Variants in MFHAS1 observed in about 807,000 individuals in gnomAD.
MFHAS1 encodes malignant fibrous histiocytoma-amplified sequence 1.
A neutral mutation model predicts 70.4 loss-of-function variants in MFHAS1; 50 were observed. That is an observed-to-expected ratio of 0.71 (90% CI 0.57 to 0.90). The LOEUF is 0.90. MFHAS1 is among the 40% of genes least tolerant of loss of function. The pLI, the probability that MFHAS1 is intolerant of heterozygous loss-of-function variation, is 0.00. For missense variants in MFHAS1, 1,795 were observed against 1,347.6 expected (o/e 1.33, Z -5.20); for synonymous variants, 952 against 620.0 (o/e 1.54, Z -7.96).
At chr8:8,827,772 G>A (rs57017803) in intron 1 of MFHAS1, among the ~76,000 whole-genome samples, 3,963 of 152,140 alleles carry the variant, frequency 0.026, 180 homozygotes, top group African/African-American at 0.091. Context: ...CAGCTTCTGT[G>A]TTTTGTGACA....
At chr8:8,866,658 T>C (rs1808869631) in intron 1 of MFHAS1, among the ~76,000 whole-genome samples, 1 of 152,180 alleles carries the variant, frequency 6.6e-6, no homozygotes, top group Non-Finnish European at 1.5e-5. Context: ...GGATCCGTGA[T>C]ACAAAATGGC....
rs1429085785 is a variant in MFHAS1, at chr8:8,785,964, G to T, written c.*58C>A. ...TGCAGAGGGTCTGCCAGGTGCAAAA[G>T]ATGGTCCAGGTGTTCAGATGCTCTC... is the stretch of plus-strand genomic sequence containing the variant. On this transcript the variant is annotated 3_prime_UTR_variant, in exon 3 of 3. Transcript: ENST00000276282. The T allele has an allele frequency of 2.6e-6, 4 of 1,558,996 alleles. No individual in the cohort carries two copies. Among genetic ancestry groups the T allele is most frequent in the East Asian group, 2.3e-5 (1 of 43,184 alleles).
intron 1 of MFHAS1, among the ~76,000 whole-genome samples, chr8:8,823,303 GTT>G (rs1807034537): frequency 6.6e-6 from 1 of 152,328 alleles, no homozygotes; most frequent in South Asian, 2.1e-4. Flanking sequence ...GATGAATAAT[GTT>G]TCTCTCTGTA....
At chr8:8,877,767 C>A (rs1809352439) in intron 1 of MFHAS1, among the ~76,000 whole-genome samples, 2 of 152,180 alleles carry the variant, frequency 1.3e-5, no homozygotes, top group Non-Finnish European at 2.9e-5. Context: ...GAGAGCCCAG[C>A]CCAATGACAA....
At chr8:8,875,344 G>A (rs1809249562) in intron 1 of MFHAS1, among the ~76,000 whole-genome samples, 1 of 151,934 alleles carries the variant, frequency 6.6e-6, no homozygotes, top group Non-Finnish European at 1.5e-5. Context: ...AATAAACAAA[G>A]GTGAAAAATC....
chr8:8,883,477 G>A (rs1230926598), intron 1 of MFHAS1, among the ~76,000 whole-genome samples: 1 of 151,770 alleles, frequency 6.6e-6, no homozygotes, highest in Non-Finnish European at 1.5e-5. Context: ...GGCAGCCAAG[G>A]TGGGTGGATC....
intron 1 of MFHAS1, among the ~76,000 whole-genome samples, chr8:8,835,734 C>T (rs765768874): frequency 6.6e-6 from 1 of 152,080 alleles, no homozygotes; most frequent in Non-Finnish European, 1.5e-5. Flanking sequence ...TTTGGGACAC[C>T]CATTATACTA....
At chr8:8,794,932 G>A (rs796066657) in intron 2 of MFHAS1, among the ~76,000 whole-genome samples, 5 of 152,268 alleles carry the variant, frequency 3.3e-5, no homozygotes, top group East Asian at 1.9e-4. Context: ...TGGTATAAAC[G>A]TGGTCTTTCT....
At chr8:8,790,971 C>A (rs924054456) in intron 2 of MFHAS1, among the ~76,000 whole-genome samples, 2 of 152,094 alleles carry the variant, frequency 1.3e-5, no homozygotes, top group Non-Finnish European at 2.9e-5. Flanking sequence ...GGGGATCTTG[C>A]TTGAATGGGA....
intron 1 of MFHAS1, among the ~76,000 whole-genome samples, chr8:8,810,998 G>T (rs1303226599): frequency 6.6e-6 from 1 of 152,098 alleles, no homozygotes; most frequent in Admixed American, 6.5e-5. Context: ...GCACCTCAAG[G>T]CCAGAAGGAA....
intron 1 of MFHAS1, among the ~76,000 whole-genome samples, chr8:8,889,695 G>A (rs1345370846): frequency 2.6e-5 from 4 of 152,178 alleles, no homozygotes; most frequent in African/African-American, 4.8e-5. Flanking sequence ...GAACACTTTA[G>A]CCAACGATCA....
intron 1 of MFHAS1, among the ~76,000 whole-genome samples, chr8:8,810,916 G>A (rs1049847431): frequency 6.6e-6 from 1 of 152,182 alleles, no homozygotes. Flanking sequence ...TGGGAGGTCT[G>A]GTAGAGCTGA....
In MFHAS1 at chr8:8,891,326, T is replaced by A. The variant is rs1447318693; in HGVS notation, c.1733A>T (p.Glu578Val). 1.7e-5 allele frequency: 27 copies of A among 1,611,252 alleles called. No individual in the cohort carries two copies. The highest frequency in any genetic ancestry group is 2.2e-5 in the Non-Finnish European group (26 of 1,180,018). ...GLSRLAKVVD[E>V]ALARDFELRS... ...CAGCTCGAAGTCCCGGGCCAGTGCC[T>A]CGTCCACCACCTTGGCCAAGCGGCT... The change falls in exon 1 of 3, where the codon GAG becomes GTG. Residue 578 changes from glutamate to valine, a missense_variant. Glu to Val is a moderately radical substitution (Grantham distance 121, BLOSUM62 -2). Coordinates refer to ENST00000276282, the MANE Select transcript of MFHAS1 (RefSeq NM_004225.3). The surrounding 1 kb of genome is among the most constrained non-coding windows in gnomAD (Gnocchi z 5.4).
chr8:8,838,398 ACTATACATCATTAAAAAAATTTTACG>A (rs1288986723), intron 1 of MFHAS1, among the ~76,000 whole-genome samples: 2 of 152,206 alleles, frequency 1.3e-5, no homozygotes, highest in Non-Finnish European at 2.9e-5. Flanking sequence ...TTGTATGCAA[ACTATACATCATTAAAAAAATTTTACG>A]CTATCCTGCT....
At chr8:8,802,193 C>T (rs1806104703) in intron 1 of MFHAS1, among the ~76,000 whole-genome samples, 2 of 152,150 alleles carry the variant, frequency 1.3e-5, no homozygotes, top group Non-Finnish European at 2.9e-5. Context: ...TCATTATATA[C>T]AGAAGAGGAA....
At position 8,891,384 on chromosome 8, in the gene MFHAS1, C is replaced by G. The variant is rs748875982; in HGVS notation, c.1675G>C (p.Ala559Pro). Residue 559 changes from alanine to proline, a missense_variant, in exon 1 of 3, where the codon GCC becomes CCC. By Grantham distance (27) the Ala-to-Pro change is conservative. Transcript: ENST00000276282. The surrounding 1 kb of genome is among the most constrained non-coding windows in gnomAD (Gnocchi z 5.4). Reference protein sequence around the residue: ...EKCLDIHRQIALQEKHDAEGL... With the variant: ...EKCLDIHRQIPLQEKHDAEGL... ...TCCGCGTCGTGCTTCTCCTGCAGGG[C>G]GATCTGGCGGTGAATGTCCAGACAT... The G allele has an allele frequency of 6.2e-7, 1 of 1,611,744 alleles. No homozygotes were observed. The highest frequency in any genetic ancestry group is 1.3e-5 in the African/African-American group (1 of 75,068).
chr8:8,861,823 A>G (rs1808672550), intron 1 of MFHAS1, among the ~76,000 whole-genome samples: 1 of 152,176 alleles, frequency 6.6e-6, no homozygotes, highest in African/African-American at 2.4e-5. Flanking sequence ...GAGTCATACA[A>G]TATGTACTCG....
At chr8:8,880,400 T>C (rs1462348150) in intron 1 of MFHAS1, among the ~76,000 whole-genome samples, 1 of 152,144 alleles carries the variant, frequency 6.6e-6, no homozygotes, top group African/African-American at 2.4e-5. Context: ...TTTTTCATAT[T>C]ATGTGACTTT....
intron 1 of MFHAS1, among the ~76,000 whole-genome samples, chr8:8,822,709 G>A (rs184859704): frequency 1.2e-4 from 15 of 120,236 alleles, no homozygotes; most frequent in South Asian, 3.1e-4. Context: ...TGAGATGGGG[G>A]CAGGGACCAA....
Sources: gnomAD v4.1 joint callset for allele counts (sites outside exome capture counted in the v4.1 genomes callset) on GRCh38, gnomAD v4.1.1 for gene constraint, Gnocchi (gnomAD v3.1) non-coding constraint, MANE v1.5 for transcripts, NCBI Gene and HGNC (gene_info 2026-07-23, HGNC 2026-07-21) for gene names.